The following SDCCAG8 variants were observed in gnomAD, a reference collection of about 807,000 sequenced individuals.
SDCCAG8 encodes the protein SHH signaling and ciliogenesis regulator SDCCAG8, also known as serologically defined colon cancer antigen 8.
In SDCCAG8, 74 loss-of-function variants were observed where a neutral mutation model predicts 101.8. That is an observed-to-expected ratio of 0.73 (90% CI 0.60 to 0.88). The LOEUF is 0.88. Ranked by LOEUF, SDCCAG8 falls within the 40% of genes least tolerant of loss-of-function variation. The pLI is 0.00. For missense variants in SDCCAG8, 787 were observed against 822.6 expected, an observed-to-expected ratio of 0.96 and a Z score of 0.53; for synonymous variants, 281 against 292.9, an observed-to-expected ratio of 0.96 and a Z score of 0.41.
At position 243,274,434 on chromosome 1, in the gene SDCCAG8, T is replaced by C. The variant is rs545747073; in HGVS notation, c.307-109T>C. 6.6e-5 allele frequency: 44 copies of C among 664,698 alleles called. No individual in the cohort carries two copies. The Middle Eastern group carries it at 1.3e-3, about 19-fold the overall frequency. 41.2% of individuals were successfully genotyped at this position (664,698 alleles called of 1,614,324 possible). A position where few individuals can be genotyped will look rare whatever the true frequency, so the allele number is the denominator to read the frequency against. ...ATGTTTATATCACATCAGTGCAAAA[T>C]TGAGTATGGAGAAGGTAACAACTGA... On this transcript the variant is annotated intron_variant, in intron 3 of 17. Transcript: ENST00000366541.
intron 13 of SDCCAG8, among the ~76,000 whole-genome samples, chr1:243,384,991 T>A (rs2078185856): frequency 6.6e-6 from 1 of 152,200 alleles, no homozygotes; most frequent in African/African-American, 2.4e-5. Context: ...CATGGAGCAT[T>A]TTCTGTCATA....
At chr1:243,347,635 C>T (rs1433663132) in intron 12 of SDCCAG8, among the ~76,000 whole-genome samples, 4 of 152,202 alleles carry the variant, frequency 2.6e-5, no homozygotes, top group Non-Finnish European at 4.4e-5. Context: ...ATGGCTACCA[C>T]GCAGCATTCC....
At chr1:243,312,482 G>A (rs1473223259) in intron 8 of SDCCAG8, among the ~76,000 whole-genome samples, 1 of 152,150 alleles carries the variant, frequency 6.6e-6, no homozygotes, top group Non-Finnish European at 1.5e-5. Flanking sequence ...TGAGGCAGGT[G>A]GATCAGTTGA....
chr1:243,477,033 C>CAG (rs371572944), intron 16 of SDCCAG8, among the ~76,000 whole-genome samples: 19 of 150,416 alleles, frequency 1.3e-4, no homozygotes, highest in South Asian at 4.2e-4. Flanking sequence ...CACACACACA[C>CAG]AGAGAGAAAG....
At chr1:243,325,980 G>C (rs2074119770) in intron 9 of SDCCAG8, among the ~76,000 whole-genome samples, 1 of 152,194 alleles carries the variant, frequency 6.6e-6, no homozygotes, top group Non-Finnish European at 1.5e-5. Context: ...CAGATGAAAA[G>C]GTTAACCAGG....
chr1:243,361,244 C>T (rs1005595527), intron 12 of SDCCAG8, among the ~76,000 whole-genome samples: 1 of 152,202 alleles, frequency 6.6e-6, no homozygotes, highest in Non-Finnish European at 1.5e-5. Context: ...TTCAAGTCAT[C>T]GCTGAAATCA....
At chr1:243,273,838 A>G (rs979113040) in intron 3 of SDCCAG8, among the ~76,000 whole-genome samples, 1 of 152,162 alleles carries the variant, frequency 6.6e-6, no homozygotes, top group East Asian at 1.9e-4. Context: ...CAAGCCAGTT[A>G]TACTACTGCT....
At chr1:243,286,467 T>C in intron 5 of SDCCAG8, 70 bp downstream of exon 5, 1 of 1,527,546 alleles carries the variant, frequency 6.5e-7, no homozygotes, top group Non-Finnish European at 9.0e-7. Flanking sequence ...CTCCTCGCCT[T>C]CTTCGCTGCT....
chr1:243,388,539 G>A (rs901517571), intron 13 of SDCCAG8, among the ~76,000 whole-genome samples: 1 of 151,950 alleles, frequency 6.6e-6, no homozygotes, highest in African/African-American at 2.4e-5. Context: ...CCAAGTATCT[G>A]CACTGTTGCC....
chr1:243,426,463 T>A lies in SDCCAG8; in HGVS notation c.1890T>A (p.Tyr630Ter). Residue 630 changes from tyrosine (Y) to a stop codon, truncating the protein, a stop_gained, in exon 16 of 18, where the codon TAT becomes TAA. Transcript: ENST00000366541. LOFTEE classifies it high-confidence loss of function. ...EIAQLSQEKR[Y>*]TYDKLGKLQR... is the part of the protein sequence containing the mutation. ...CTCAACTCAGTCAAGAAAAAAGGTA[T>A]ACATATGATAAATTGGGAAAGTTAC... 6.2e-7 allele frequency: 1 copy of A among 1,613,778 alleles called. No individual in the cohort carries two copies.
At chr1:243,316,953 GTATT>G in intron 9 of SDCCAG8, 60 bp downstream of exon 9, 5 of 1,534,466 alleles carry the variant, frequency 3.3e-6, no homozygotes, top group Non-Finnish European at 4.5e-6. Flanking sequence ...TTTCTTCTGA[GTATT>G]TATTTGGTTA....
intron 8 of SDCCAG8, among the ~76,000 whole-genome samples, chr1:243,313,904 A>G (rs543966742): frequency 2.6e-5 from 4 of 152,316 alleles, no homozygotes; most frequent in African/African-American, 9.6e-5. Flanking sequence ...CCAGGGGATA[A>G]GTGGGCTAAA....
intron 13 of SDCCAG8, among the ~76,000 whole-genome samples, chr1:243,394,421 C>G (rs755703774): frequency 3.9e-5 from 6 of 152,168 alleles, no homozygotes; most frequent in Non-Finnish European, 7.3e-5. Context: ...TTGATCAACT[C>G]TATGAAAATA....
intron 16 of SDCCAG8, among the ~76,000 whole-genome samples, chr1:243,457,928 C>T (rs929833894): frequency 2.0e-5 from 3 of 152,152 alleles, no homozygotes; most frequent in Admixed American, 6.6e-5. Context: ...TATGTGTTTT[C>T]GTCTCTTTTC....
Position 243,307,884 on chromosome 1 carries a change from G to T in SDCCAG8, c.741-105G>T, listed in dbSNP as rs538442869. The T allele has an allele frequency of 1.1e-3, 1,669 of 1,580,588 alleles. 1 individual carries two copies. The highest frequency in any genetic ancestry group is 1.2e-3 in the Non-Finnish European group (1,440 of 1,170,320). The stretch of plus-strand genomic sequence containing the variant: ...TATTGGACGTAAACTAAAGCATAAG[G>T]TGAGTACCCATAAACGATAGTAGTA... On this transcript the variant is annotated intron_variant, in intron 7 of 17. Transcript: ENST00000366541.
intron 1 of SDCCAG8, among the ~76,000 whole-genome samples, chr1:243,261,157 T>C (rs2067165280): frequency 6.6e-6 from 1 of 152,208 alleles, no homozygotes; most frequent in South Asian, 2.1e-4. Flanking sequence ...TCTTCCTTGC[T>C]CCCTCCCTCT....
intron 13 of SDCCAG8, among the ~76,000 whole-genome samples, chr1:243,406,959 G>A (rs1415606758): frequency 6.6e-6 from 1 of 151,912 alleles, no homozygotes; most frequent in East Asian, 1.9e-4. Context: ...CCTGTCCCCA[G>A]CTACTCCCCA....
intron 16 of SDCCAG8, among the ~76,000 whole-genome samples, chr1:243,464,119 T>G (rs1327894339): frequency 2.0e-5 from 3 of 152,192 alleles, no homozygotes; most frequent in Non-Finnish European, 2.9e-5. Flanking sequence ...CATGGCCCTG[T>G]TTGACACCTG....
chr1:243,430,904 A>C (rs1160105196), intron 16 of SDCCAG8, among the ~76,000 whole-genome samples: 1 of 152,158 alleles, frequency 6.6e-6, no homozygotes, highest in Non-Finnish European at 1.5e-5. Context: ...GTGTTTGCTC[A>C]AGACCAGTTA....
Sources: allele counts gnomAD v4.1 joint callset (sites outside exome capture counted in the v4.1 genomes callset), GRCh38; gene constraint gnomAD v4.1.1; transcripts MANE v1.5; gene names NCBI Gene and HGNC (gene_info 2026-07-23, HGNC 2026-07-21).